The following ASPRV1 variants were observed in gnomAD, a reference collection of about 807,000 sequenced individuals.
ASPRV1 encodes the protein aspartic peptidase retroviral like 1.
In ASPRV1, 7 loss-of-function variants were observed where a neutral mutation model predicts 11.0. The observed-to-expected ratio is 0.64, with a 90% CI of 0.36 to 1.20. ASPRV1 has a LOEUF of 1.20. Among genes scored for constraint, ASPRV1 ranks in the 50% most tolerant of loss-of-function variants. The pLI, the probability that ASPRV1 is intolerant of heterozygous loss-of-function variation, is 0.02. For synonymous variants in ASPRV1, 136 were observed against 138.4 expected (o/e 0.98, Z 0.12); for missense variants, 299 against 320.0 (o/e 0.93, Z 0.50).
At chr2:69,947,557 A>C in the ASPRV1 span, among the ~76,000 whole-genome samples, 1 of 151,944 alleles carries the variant, frequency 6.6e-6, no homozygotes, top group Non-Finnish European at 1.5e-5. Context: ...TTTACTCAAC[A>C]TCTTTCCTAT....
the ASPRV1 span, among the ~76,000 whole-genome samples, chr2:70,000,959 A>G: frequency 6.6e-6 from 1 of 152,112 alleles, no homozygotes; most frequent in Non-Finnish European, 1.5e-5. Flanking sequence ...ACAATGATAT[A>G]CTATTTGTTT....
chr2:69,957,642 G>T (rs1412016336), downstream of ASPRV1, among the ~76,000 whole-genome samples: 1 of 151,830 alleles, frequency 6.6e-6, no homozygotes, highest in Non-Finnish European at 1.5e-5. Context: ...CGCTGGTCTG[G>T]GTGGGGATGG....
chr2:69,957,633 G>A (rs750026129), downstream of ASPRV1, among the ~76,000 whole-genome samples: 9 of 151,762 alleles, frequency 5.9e-5, no homozygotes, highest in South Asian at 6.3e-4. Context: ...AGATTCTGGC[G>A]CTGGTCTGGG....
the ASPRV1 span, among the ~76,000 whole-genome samples, chr2:70,037,118 A>G: frequency 2.0e-5 from 3 of 152,288 alleles, no homozygotes; most frequent in East Asian, 3.9e-4. Flanking sequence ...TTCCTCTTGG[A>G]TGTACCTCTA....
the ASPRV1 span, among the ~76,000 whole-genome samples, chr2:70,052,706 G>T: frequency 2.0e-5 from 3 of 152,108 alleles, no homozygotes; most frequent in Admixed American, 2.0e-4. Context: ...ACATAAGAAG[G>T]ATGGAAGGAA....
At chr2:69,946,323 G>A in the ASPRV1 span, among the ~76,000 whole-genome samples, 1 of 152,138 alleles carries the variant, frequency 6.6e-6, no homozygotes, top group Admixed American at 6.5e-5. Context: ...CTGGGTGATG[G>A]TCACGTGCAC....
At chr2:70,072,909 A>C in the ASPRV1 span, among the ~76,000 whole-genome samples, 1 of 150,812 alleles carries the variant, frequency 6.6e-6, no homozygotes, top group Non-Finnish European at 1.5e-5. Context: ...AAAAAAAAAA[A>C]AAAAAAACAG....
At chr2:70,000,953 T>C in the ASPRV1 span, among the ~76,000 whole-genome samples, 1 of 151,760 alleles carries the variant, frequency 6.6e-6, no homozygotes, top group Non-Finnish European at 1.5e-5. Flanking sequence ...AAAGCAACAA[T>C]GATATACTAT....
At chr2:69,985,323 T>G in the ASPRV1 span, among the ~76,000 whole-genome samples, 1 of 152,200 alleles carries the variant, frequency 6.6e-6, no homozygotes, top group Non-Finnish European at 1.5e-5. Context: ...CCTCATTTCC[T>G]GGCACCTGAT....
the ASPRV1 span, among the ~76,000 whole-genome samples, chr2:70,043,058 G>C: frequency 4.6e-5 from 7 of 152,158 alleles, no homozygotes; most frequent in Non-Finnish European, 8.8e-5. Context: ...AAAACGCTGT[G>C]AGAATTCTAA....
the ASPRV1 span, among the ~76,000 whole-genome samples, chr2:69,995,540 T>C: frequency 6.6e-6 from 1 of 152,174 alleles, no homozygotes; most frequent in Non-Finnish European, 1.5e-5. Flanking sequence ...CTGCAGTTGA[T>C]CTTCCTAAGA....
the ASPRV1 span, among the ~76,000 whole-genome samples, chr2:70,040,897 C>G: frequency 6.6e-6 from 1 of 152,192 alleles, no homozygotes; most frequent in African/African-American, 2.4e-5. Flanking sequence ...AAATAAACTA[C>G]AAGCTCTATT....
At chr2:69,989,583 C>T in the ASPRV1 span, among the ~76,000 whole-genome samples, 1 of 152,242 alleles carries the variant, frequency 6.6e-6, no homozygotes, top group South Asian at 2.1e-4. Context: ...TCCCGGCGCT[C>T]ATTTGGGGCG....
the ASPRV1 span, among the ~76,000 whole-genome samples, chr2:69,949,253 GCGAA>G: frequency 1.4e-5 from 2 of 142,812 alleles, no homozygotes; most frequent in African/African-American, 2.8e-5. Context: ...GGATGGATGG[GCGAA>G]TGAATGAATG....
At chr2:70,063,919 G>A in the ASPRV1 span, 5 of 152,154 alleles carry the variant, frequency 3.3e-5, no homozygotes, top group Admixed American at 1.3e-4. Context: ...GGTGCTCCAG[G>A]TTTATGATTT....
At chr2:70,025,837 G>C in the ASPRV1 span, among the ~76,000 whole-genome samples, 1 of 152,184 alleles carries the variant, frequency 6.6e-6, no homozygotes, top group Admixed American at 6.5e-5. Flanking sequence ...ACTTGACCAG[G>C]CATGTCCAAA....
At chr2:70,043,765 G>A in the ASPRV1 span, among the ~76,000 whole-genome samples, 3 of 152,202 alleles carry the variant, frequency 2.0e-5, no homozygotes, top group Admixed American at 6.5e-5. Context: ...CTTTGTCTCA[G>A]TACATCACAG....
chr2:70,001,010 C>T, the ASPRV1 span, among the ~76,000 whole-genome samples: 1 of 151,738 alleles, frequency 6.6e-6, no homozygotes, highest in African/African-American at 2.4e-5. Context: ...ATGCTAATCC[C>T]CAGTGTTGGG....
chr2:70,043,707 C>A, the ASPRV1 span, among the ~76,000 whole-genome samples: 2 of 152,222 alleles, frequency 1.3e-5, no homozygotes, highest in Non-Finnish European at 2.9e-5. Flanking sequence ...CACCATTTTG[C>A]ATCATTTCTT....
Sources: allele counts gnomAD v4.1 joint callset (sites outside exome capture counted in the v4.1 genomes callset), GRCh38; gene constraint gnomAD v4.1.1; transcripts MANE v1.5; gene names NCBI Gene and HGNC (gene_info 2026-07-23, HGNC 2026-07-21).